Variants in RGS7BP observed in about 807,000 individuals in gnomAD.
RGS7BP encodes regulator of G protein signaling 7-binding protein.
RGS7BP carries 9 observed loss-of-function variants against 31.3 expected under a neutral mutation model. That is an observed-to-expected ratio of 0.29 (90% CI 0.17 to 0.50). RGS7BP has a LOEUF of 0.50. RGS7BP is among the 20% of genes least tolerant of loss of function. RGS7BP has a pLI of 0.98. For synonymous variants in RGS7BP, 115 were observed against 120.1 expected (o/e 0.96, Z 0.28); for missense variants, 274 against 322.0 (o/e 0.85, Z 1.14).
At chr5:64,534,981 G>A (rs1749468316) in intron 2 of RGS7BP, among the ~76,000 whole-genome samples, 1 of 152,168 alleles carries the variant, frequency 6.6e-6, no homozygotes, top group African/African-American at 2.4e-5. Flanking sequence ...TAGGGTGATA[G>A]GGCCCTGGGT....
chr5:64,580,040 A>G (rs1252625820), intron 3 of RGS7BP, among the ~76,000 whole-genome samples: 2 of 152,202 alleles, frequency 1.3e-5, no homozygotes, highest in African/African-American at 4.8e-5. Context: ...ATACACAAGT[A>G]TATGACTCTT....
intron 5 of RGS7BP, among the ~76,000 whole-genome samples, chr5:64,608,809 C>A (rs1406968172): frequency 6.6e-6 from 1 of 152,008 alleles, no homozygotes; most frequent in African/African-American, 2.4e-5. Flanking sequence ...ATACGTTTCC[C>A]AACTGAAAGA....
intron 2 of RGS7BP, among the ~76,000 whole-genome samples, chr5:64,544,805 G>A (rs978233286): frequency 1.3e-5 from 2 of 152,160 alleles, no homozygotes; most frequent in Non-Finnish European, 2.9e-5. Context: ...TTGAATCTAA[G>A]GCCGTAGTAA....
intron 2 of RGS7BP, among the ~76,000 whole-genome samples, chr5:64,543,621 A>G (rs1422520422): frequency 3.3e-5 from 5 of 152,264 alleles, no homozygotes; most frequent in Admixed American, 6.5e-5. Flanking sequence ...AGATATTATG[A>G]TTAACACAGC....
intron 2 of RGS7BP, among the ~76,000 whole-genome samples, chr5:64,545,378 G>A (rs987455746): frequency 5.3e-5 from 8 of 151,634 alleles, no homozygotes; most frequent in Non-Finnish European, 8.8e-5. Flanking sequence ...AAACCTGCAC[G>A]TTGTGCACAT....
intron 2 of RGS7BP, among the ~76,000 whole-genome samples, chr5:64,527,606 TAAAAAAAAAA>T (rs59081277): frequency 8.6e-4 from 74 of 86,482 alleles, no homozygotes; most frequent in African/African-American, 2.6e-3. Context: ...CTTATAACAG[TAAAAAAAAAA>T]AAAAAAAAAA....
intron 2 of RGS7BP, among the ~76,000 whole-genome samples, chr5:64,533,526 G>A (rs751802850): frequency 1.3e-5 from 2 of 152,142 alleles, no homozygotes; most frequent in African/African-American, 4.8e-5. Flanking sequence ...ACCACCTGGG[G>A]GGTGGGATCG....
intron 2 of RGS7BP, among the ~76,000 whole-genome samples, chr5:64,554,803 G>A (rs1431333612): frequency 6.6e-6 from 1 of 152,032 alleles, no homozygotes; most frequent in Non-Finnish European, 1.5e-5. Context: ...AAAGACACAA[G>A]AGAAGAGTTG....
At chr5:64,562,241 C>CAATAAATAATATTTG (rs1162239246) in intron 2 of RGS7BP, among the ~76,000 whole-genome samples, 1 of 151,944 alleles carries the variant, frequency 6.6e-6, no homozygotes, top group Non-Finnish European at 1.5e-5. Flanking sequence ...AGCAGGGACT[C>CAATAAATAATATTTG]AATAAATAAT....
intron 2 of RGS7BP, among the ~76,000 whole-genome samples, chr5:64,566,066 A>G (rs1370440141): frequency 6.6e-6 from 1 of 152,076 alleles, no homozygotes; most frequent in African/African-American, 2.4e-5. Flanking sequence ...GAAAGCTCTA[A>G]CTATCCTCTA....
chr5:64,592,713 T>C (rs145581272), intron 3 of RGS7BP, among the ~76,000 whole-genome samples: 175 of 152,296 alleles, frequency 1.1e-3, no homozygotes, highest in Non-Finnish European at 1.9e-3. Context: ...CAGAGAATTC[T>C]GGTGAATCTT....
rs77107622 is a variant in RGS7BP at position 64,582,502 on chromosome 5, G to C, written c.463+6598G>C. 3.3e-4 allele frequency among the ~76,000 whole-genome samples: 50 copies of C among 152,158 alleles called. No individual in the cohort carries two copies. In the East Asian group the frequency reaches 7.7e-3, roughly 24 times the overall value. ...CCCTCTGACTCTGCTTGTCCTCTCT[G>C]CCATAGCTTACAGCAAAATTGTCCC... is the stretch of plus-strand genomic sequence containing the variant. On this transcript the variant is annotated intron_variant, in intron 3 of 5. Transcript: ENST00000334025.
intron 2 of RGS7BP, among the ~76,000 whole-genome samples, chr5:64,525,214 TG>T: frequency 6.6e-6 from 1 of 152,088 alleles, no homozygotes; most frequent in East Asian, 1.9e-4. Context: ...ATACTGGTGA[TG>T]GAGGTAGAGA....
chr5:64,516,974 A>C (rs910836053), intron 2 of RGS7BP, among the ~76,000 whole-genome samples: 1 of 151,890 alleles, frequency 6.6e-6, no homozygotes, highest in African/African-American at 2.4e-5. Flanking sequence ...CAGAAAATTC[A>C]AAGTAGCAAT....
At chr5:64,609,059 A>G in intron 5 of RGS7BP, 102 bp from the exon 6 acceptor site, 3 of 778,546 alleles carry the variant, frequency 3.9e-6, no homozygotes, top group Non-Finnish European at 6.9e-6. Flanking sequence ...GCTGAGGTTG[A>G]GAAATCCTGA....
At chr5:64,554,850 C>T (rs1741883952) in intron 2 of RGS7BP, among the ~76,000 whole-genome samples, 1 of 151,818 alleles carries the variant, frequency 6.6e-6, no homozygotes, top group Non-Finnish European at 1.5e-5. Context: ...AAAGACCAAG[C>T]ATACTTGGAA....
intron 3 of RGS7BP, among the ~76,000 whole-genome samples, chr5:64,578,655 T>C (rs890980256): frequency 1.3e-5 from 2 of 152,206 alleles, no homozygotes; most frequent in African/African-American, 4.8e-5. Flanking sequence ...TCTACTCCCC[T>C]AAGTGTACAC....
chr5:64,566,293 G>A (rs1467792155), intron 2 of RGS7BP, among the ~76,000 whole-genome samples: 1 of 151,974 alleles, frequency 6.6e-6, no homozygotes, highest in Non-Finnish European at 1.5e-5. Flanking sequence ...TTTAAACGAG[G>A]GGCACACAGC....
intron 2 of RGS7BP, among the ~76,000 whole-genome samples, chr5:64,550,907 A>AAAT (rs1741779999): frequency 2.0e-5 from 3 of 151,866 alleles, no homozygotes; most frequent in Non-Finnish European, 4.4e-5. Context: ...AAAGGACATG[A>AAAT]ACTCATCATT....
Sources: gnomAD v4.1 joint callset for allele counts (sites outside exome capture counted in the v4.1 genomes callset) on GRCh38, gnomAD v4.1.1 for gene constraint, MANE v1.5 for transcripts, NCBI Gene and HGNC (gene_info 2026-07-23, HGNC 2026-07-21) for gene names.